CPT1B: variants seen among roughly 807,000 people sequenced by gnomAD.
The protein encoded by CPT1B is carnitine O-palmitoyltransferase 1, muscle isoform.
A neutral mutation model predicts 92.7 loss-of-function variants in CPT1B; 57 were observed. The observed-to-expected ratio is 0.62, with a 90% CI of 0.50 to 0.77. The LOEUF (loss-of-function observed/expected upper bound fraction) is 0.77, where lower values mean the gene tolerates loss of function less well. Ranked by LOEUF, CPT1B falls within the 30% of genes least tolerant of loss-of-function variation. The pLI, the probability that CPT1B is intolerant of heterozygous loss-of-function variation, is 0.00. For missense variants in CPT1B, 983 were observed against 1,017.4 expected, an observed-to-expected ratio of 0.97 and a Z score of 0.46; for synonymous variants, 398 against 383.5, an observed-to-expected ratio of 1.04 and a Z score of -0.44.
At chr22:50,571,979 C>T (rs1411879884) in intron 13 of CPT1B, 27 bp downstream of exon 13, 10 of 1,603,094 alleles carry the variant, frequency 6.2e-6, no homozygotes, top group African/African-American at 1.3e-5. Context: ...TGTGGTCTCA[C>T]ACCTGCTCTG....
chr22:50,578,565 TG>T (rs2070586070), upstream of CPT1B: 1 of 157,162 alleles, frequency 6.4e-6, no homozygotes, highest in Non-Finnish European at 1.4e-5. Flanking sequence ...CGGTGGGAAT[TG>T]CAGGGCGCGG....
chr22:50,571,689 G>A, intron 13 of CPT1B, 150 bp from the exon 14 acceptor site: 1 of 901,892 alleles, frequency 1.1e-6, no homozygotes, highest in Non-Finnish European at 1.7e-6. Context: ...GACAGTCTGA[G>A]GGAGAATCAG....
At position 50,573,895 on chromosome 22, in the gene CPT1B, ACTCT is replaced by A; in HGVS notation, c.971-184_971-181del. 1.4e-6 allele frequency: 1 copy of A among 717,968 alleles called. No individual in the cohort carries two copies. The highest frequency in any genetic ancestry group is 2.6e-6 in the Non-Finnish European group (1 of 386,980). The allele number at this position is 717,968 out of a possible 1,614,324, so 44.5% of individuals were successfully genotyped here. On this transcript the variant is annotated intron_variant, in intron 9 of 19. Transcript: ENST00000312108. This position sits in a 1 kb window ranked among gnomAD's most constrained non-coding sequence, Gnocchi z 5.0. ...ACCAGGCCCTGTGCTGGGTGCTTCCACTCTCTCTCACGCAACACCAACAATCCTA... is the reference window on the plus strand; with the variant it reads ...ACCAGGCCCTGTGCTGGGTGCTTCCACTCTCACGCAACACCAACAATCCTA...
chr22:50,574,261 C>G (rs1044974529), intron 9 of CPT1B, 74 bp downstream of exon 9: 10 of 1,195,594 alleles, frequency 8.4e-6, no homozygotes, highest in African/African-American at 3.0e-5. Context: ...ACTGGGGACG[C>G]TTGGTGATGA....
upstream of CPT1B, chr22:50,578,604 C>T (rs552816820): frequency 1.2e-5 from 2 of 161,744 alleles, no homozygotes; most frequent in Admixed American, 5.7e-5. Context: ...GAAGGTTGCT[C>T]AAAGGTCTGG....
chr22:50,573,991 T>C lies in CPT1B; in HGVS notation c.971-276A>G. ...GTGCAAACCGCCTAAGGATACAGTG[T>C]CAGAAGCAGGGAAGGCTGCTGCCTC... On this transcript the variant is annotated intron_variant, in intron 9 of 19. Transcript: ENST00000312108. The surrounding 1 kb of genome is among the most constrained non-coding windows in gnomAD (Gnocchi z 5.0). 1.4e-6 allele frequency: 1 copy of C among 699,998 alleles called. No homozygotes were observed. The highest frequency in any genetic ancestry group is 2.0e-5 in the Admixed American group (1 of 49,434). The allele number at this position is 699,998 out of a possible 1,614,324, so 43.4% of individuals were successfully genotyped here. A position where few individuals can be genotyped will look rare whatever the true frequency, so the allele number is the denominator to read the frequency against.
In CPT1B at chr22:50,569,612, G is replaced by A; in HGVS notation, c.2199C>T (p.Phe733=). ...TTGAGAACTTGCTGGAGATGTGGAA[G>A]AAGATCGTGTTCTCGCCTGCAATCA... The part of the protein sequence containing the change: ...SYMIAGENTI[F]FHISSKFSSS... Residue 733 remains phenylalanine, a synonymous_variant, in exon 18 of 20, where the codon TTC becomes TTT. Coordinates refer to ENST00000312108, the MANE Select transcript of CPT1B (RefSeq NM_152246.3). 1 of 1,614,094 alleles carries A rather than the reference G, an allele frequency of 6.2e-7. No individual in the cohort carries two copies. The highest frequency in any genetic ancestry group is 8.5e-7 in the Non-Finnish European group (1 of 1,180,020).
At position 50,573,950 on chromosome 22, in the gene CPT1B, G is replaced by T; in HGVS notation, c.971-235C>A. The T allele has an allele frequency of 1.4e-6, 1 of 708,290 alleles. No individual in the cohort carries two copies. The highest frequency in any genetic ancestry group is 2.3e-4 in the Middle Eastern group (1 of 4,342). 43.9% of individuals were successfully genotyped at this position (708,290 alleles called of 1,614,324 possible). On this transcript the variant is annotated intron_variant, in intron 9 of 19. Coordinates refer to ENST00000312108, the MANE Select transcript of CPT1B (RefSeq NM_152246.3). This position sits in a 1 kb window ranked among gnomAD's most constrained non-coding sequence, Gnocchi z 5.0. ...TAAAGTATTTCACAGAAGAGGAAAC[G>T]ACGCACTAGAGGGTTGTGCAAACCG...
chr22:50,569,831 A>G (rs1357992509), intron 17 of CPT1B, among the ~76,000 whole-genome samples, 163 bp from the exon 18 acceptor site: 1 of 152,170 alleles, frequency 6.6e-6, no homozygotes, highest in East Asian at 1.9e-4. Flanking sequence ...TGTGAAAACC[A>G]AAGAATGCTG....
Position 50,571,061 on chromosome 22 carries a change from A to G in CPT1B, c.1876-18T>C. 6.2e-7 allele frequency: 1 copy of G among 1,612,894 alleles called. No individual in the cohort carries two copies. The highest frequency in any genetic ancestry group is 8.5e-7 in the Non-Finnish European group (1 of 1,179,072). ...TCTGCTTTCTGCGGGGCAGAAGTAA[A>G]GGGGTGAAGAGTAGCCCTGGCCCTC... On this transcript the variant is annotated intron_variant, in intron 15 of 19. Transcript: ENST00000312108.
intron 3 of CPT1B, 67 bp from the exon 4 acceptor site, chr22:50,577,101 C>T: frequency 6.4e-7 from 1 of 1,567,722 alleles, no homozygotes; most frequent in East Asian, 2.2e-5. Flanking sequence ...TGTGAACTGT[C>T]TCAGGGGAGA....
At chr22:50,578,286 C>T (rs1432067421) in intron 1 of CPT1B, 100 bp downstream of exon 1, 1 of 152,666 alleles carries the variant, frequency 6.6e-6, no homozygotes, top group African/African-American at 2.4e-5. Flanking sequence ...GGAGCCCGCC[C>T]TTCCCCACCC....
intron 7 of CPT1B, 148 bp from the exon 8 acceptor site, chr22:50,574,748 C>T: frequency 1.6e-6 from 1 of 640,796 alleles, no homozygotes; most frequent in East Asian, 2.6e-5. Flanking sequence ...GGTGAACCTC[C>T]AGAAATGCAC....
rs2146615211 is a variant in CPT1B, at chr22:50,571,155, T to C, written c.1875+3A>G. The C allele has an allele frequency of 6.2e-7, 1 of 1,614,048 alleles. No homozygotes were observed. The highest frequency in any genetic ancestry group is 2.2e-5 in the East Asian group (1 of 44,880). On this transcript the variant is annotated splice_donor_region_variant and intron_variant, in intron 15 of 19. Coordinates refer to ENST00000312108, the MANE Select transcript of CPT1B (RefSeq NM_152246.3). Reference sequence around the variant, plus strand: ...GACCCCCACATGGGCAGAGGACACTTACTGTGTGGGACCCCTCCATCATGG... The same window carrying C: ...GACCCCCACATGGGCAGAGGACACTCACTGTGTGGGACCCCTCCATCATGG...
At chr22:50,577,711 A>G in intron 2 of CPT1B, 64 bp downstream of exon 2, 1 of 1,592,628 alleles carries the variant, frequency 6.3e-7, no homozygotes, top group Non-Finnish European at 8.6e-7. Flanking sequence ...AGGGACCCTA[A>G]CAAAGCGCTT....
chr22:50,576,086 G>C lies in CPT1B; in HGVS notation c.726C>G (p.Ile242Met). 1 of 1,614,164 alleles carries C rather than the reference G, an allele frequency of 6.2e-7. No individual in the cohort carries two copies. The highest frequency in any genetic ancestry group is 8.5e-7 in the Non-Finnish European group (1 of 1,180,024). Residue 242 changes from isoleucine to methionine, a missense_variant, in exon 7 of 20, where the codon ATC (isoleucine) becomes ATG (methionine). Transcript: ENST00000312108. ...NYVSDWWEEY[I>M]YLRGRSPLMV... Reference sequence around the variant, plus strand: ...TGAGAGGGCTCCTGCCTCGAAGGTAGATGTACTCTTCCCACCAGTCACTCA... The same window carrying C: ...TGAGAGGGCTCCTGCCTCGAAGGTACATGTACTCTTCCCACCAGTCACTCA...
intron 9 of CPT1B, among the ~76,000 whole-genome samples, chr22:50,574,130 G>A (rs1287604565): frequency 2.0e-5 from 3 of 152,224 alleles, no homozygotes; most frequent in African/African-American, 4.8e-5. Flanking sequence ...AGTGAGCCCC[G>A]GAGGGGAGGG....
In CPT1B at chr22:50,571,202, C is replaced by T. The variant is rs766819121; in HGVS notation, c.1831G>A (p.Glu611Lys). ...ATGGCCTGCACAAAGGCTGTGGACT[C>T]GCTGGTACAGGAACGCACAGTCTCA... ...RTETVRSCTSESTAFVQAMME... is the reference protein window; with the variant it reads ...RTETVRSCTSKSTAFVQAMME... The change falls in exon 15 of 20, where the codon GAG (glutamate) becomes AAG (lysine). Residue 611 changes from glutamate to lysine, a missense_variant. Transcript: ENST00000312108. The T allele has an allele frequency of 2.6e-5, 42 of 1,614,016 alleles. No homozygotes were observed. The highest frequency in any genetic ancestry group is 1.6e-4 in the Middle Eastern group (1 of 6,084).
At chr22:50,572,835 T>C in intron 11 of CPT1B, 40 bp downstream of exon 11, 1 of 1,582,140 alleles carries the variant, frequency 6.3e-7, no homozygotes, top group Non-Finnish European at 8.7e-7. Context: ...CCCTAACTTT[T>C]AACCTTAAGC....
Sources: allele counts gnomAD v4.1 joint callset (sites outside exome capture counted in the v4.1 genomes callset), GRCh38; gene constraint gnomAD v4.1.1; non-coding constraint Gnocchi (gnomAD v3.1); transcripts MANE v1.5; gene names NCBI Gene and HGNC (gene_info 2026-07-23, HGNC 2026-07-21).